ATL2: variants seen among roughly 807,000 people sequenced by gnomAD.
ATL2 encodes the protein atlastin-2.
Under a neutral mutation model 73.9 loss-of-function variants are expected in ATL2, and 31 were observed. That is an observed-to-expected ratio of 0.42 (90% confidence interval 0.32 to 0.57). The LOEUF (loss-of-function observed/expected upper bound fraction) is 0.57. ATL2 is among the 20% of genes least tolerant of loss of function. ATL2 has a pLI of 0.14. For missense variants in ATL2, 738 were observed against 702.6 expected (o/e 1.05, Z -0.57); for synonymous variants, 291 against 237.5 (o/e 1.23, Z -2.07).
At chr2:38,377,635 G>A (rs774157888), upstream of ATL2, among the ~76,000 whole-genome samples, 3 of 152,090 alleles carry the variant, frequency 2.0e-5, no homozygotes, top group Non-Finnish European at 4.4e-5. Context: ...GAGCTCCAGA[G>A]AACTAAGTCC....
At chr2:38,338,433 A>G (rs1669501167) in intron 2 of ATL2, among the ~76,000 whole-genome samples, 1 of 152,206 alleles carries the variant, frequency 6.6e-6, no homozygotes, top group Non-Finnish European at 1.5e-5. Context: ...AAACCTGCAC[A>G]TATAGCCCCT....
In ATL2 at chr2:38,344,840, G is replaced by T. The variant is rs1039419716; in HGVS notation, c.119-1328C>A. On this transcript the variant is annotated intron_variant, in intron 1 of 12. Transcript: ENST00000378954. ...TATCTCAGAATTTCATCTCCCACTG[G>T]AGCTCTTTCTCACCAAACACTACAG... 7.9e-5 allele frequency among the ~76,000 whole-genome samples: 12 copies of T among 152,208 alleles called. No individual in the cohort carries two copies. The East Asian group carries it at 2.3e-3, about 29-fold the overall frequency.
intron 9 of ATL2, among the ~76,000 whole-genome samples, chr2:38,307,228 G>T (rs1271991906): frequency 1.3e-5 from 2 of 152,094 alleles, no homozygotes; most frequent in Non-Finnish European, 2.9e-5. Flanking sequence ...CATGGTGGCA[G>T]CTGCCTGTAA....
intron 1 of ATL2, among the ~76,000 whole-genome samples, chr2:38,365,957 G>A (rs116256341): frequency 3.2e-5 from 3 of 93,170 alleles, no homozygotes; most frequent in Admixed American, 9.6e-5. Flanking sequence ...CAAAAAAAAA[G>A]AGGTAAGTAT....
chr2:38,307,257 T>C (rs1051981173), intron 9 of ATL2, among the ~76,000 whole-genome samples: 5 of 152,076 alleles, frequency 3.3e-5, no homozygotes, highest in Admixed American at 6.5e-5. Context: ...ACTTTTTTGA[T>C]GTGCAAAACC....
At chr2:38,377,382 G>T (rs899340704), upstream of ATL2, 43 of 725,156 alleles carry the variant, frequency 5.9e-5, no homozygotes, top group Non-Finnish European at 8.3e-5. Flanking sequence ...GTATCTCCTC[G>T]CCCTCCGCCT....
In ATL2 at chr2:38,318,985, G is replaced by C. The variant is rs1668176909; in HGVS notation, c.398C>G (p.Pro133Arg). 1 of 1,613,682 alleles carries C rather than the reference G, an allele frequency of 6.2e-7. No individual in the cohort carries two copies. Among genetic ancestry groups the C allele is most frequent in the East Asian group, 2.2e-5 (1 of 44,878 alleles). Residue 133 changes from proline (P) to arginine (R), a missense_variant, in exon 3 of 13, where the codon CCA becomes CGA. Physicochemically the swap from Pro to Arg is moderately radical, Grantham distance 103. Transcript: ENST00000378954. Reference sequence around the variant, plus strand: ...ACCTCGCCATGTAAAGCCTGTCAATGGTTCATTGTTTCCACCAATCCAACT... The same window carrying C: ...ACCTCGCCATGTAAAGCCTGTCAATCGTTCATTGTTTCCACCAATCCAACT... Reference protein sequence around the residue: ...SQSWIGGNNEPLTGFTWRGGC... With the variant: ...SQSWIGGNNERLTGFTWRGGC...
At chr2:38,315,462 C>T in intron 4 of ATL2, 128 bp from the exon 5 acceptor site, 2 of 904,538 alleles carry the variant, frequency 2.2e-6, no homozygotes, top group East Asian at 3.5e-5. Context: ...TAACTACTAT[C>T]TTGACAACTG....
chr2:38,306,166 C>T (rs1241861560), intron 9 of ATL2, among the ~76,000 whole-genome samples: 1 of 152,178 alleles, frequency 6.6e-6, no homozygotes, highest in Non-Finnish European at 1.5e-5. Context: ...AATTCCTAGA[C>T]ATATACAACC....
At chr2:38,374,032 C>T (rs1237584320) in intron 1 of ATL2, among the ~76,000 whole-genome samples, 1 of 152,182 alleles carries the variant, frequency 6.6e-6, no homozygotes, top group African/African-American at 2.4e-5. Context: ...GCTGGGATTA[C>T]AGCCATGCGC....
chr2:38,364,373 G>C (rs964098648), intron 1 of ATL2, among the ~76,000 whole-genome samples: 1 of 152,234 alleles, frequency 6.6e-6, no homozygotes, highest in Non-Finnish European at 1.5e-5. Flanking sequence ...AGTCAAAGCT[G>C]TGTTGCAGAG....
chr2:38,349,694 GA>G (rs373723983), intron 1 of ATL2, among the ~76,000 whole-genome samples: 16,192 of 146,930 alleles, frequency 0.11, 2,814 homozygotes, highest in African/African-American at 0.37. Flanking sequence ...AATAAAATAG[GA>G]AAAAAAAAAC....
In ATL2 at chr2:38,338,295, G is replaced by C. The variant is rs146108787; in HGVS notation, c.363+4973C>G. The stretch of plus-strand genomic sequence containing the variant: ...ACAAAGATGGCAACAACAGACAACG[G>C]GGAGTACTAGAGGGGAGAGGGAGGA... On this transcript the variant is annotated intron_variant, in intron 2 of 12. Transcript: ENST00000378954. Among the ~76,000 whole-genome samples, 244 of 151,608 alleles carry C rather than the reference G, an allele frequency of 1.6e-3. 4 individuals carry two copies. The highest frequency in any genetic ancestry group is 5.8e-3 in the African/African-American group (238 of 41,120).
chr2:38,365,733 A>G (rs576128573), intron 1 of ATL2, among the ~76,000 whole-genome samples: 1 of 152,194 alleles, frequency 6.6e-6, no homozygotes, highest in East Asian at 1.9e-4. Flanking sequence ...CTGGAAGCAG[A>G]GGTTGTAGTG....
intron 2 of ATL2, 78 bp downstream of exon 2, chr2:38,343,190 G>T: frequency 3.8e-6 from 3 of 781,070 alleles, no homozygotes; most frequent in Non-Finnish European, 5.7e-6. Context: ...ATATAGTTCT[G>T]GTTTTTGTCT....
chr2:38,305,399 A>C (rs2148411896), intron 9 of ATL2, among the ~76,000 whole-genome samples: 1 of 152,098 alleles, frequency 6.6e-6, no homozygotes, highest in Admixed American at 6.5e-5. Context: ...AATACAAAAA[A>C]TTAGCTGGGC....
chr2:38,343,338 G>C lies in ATL2; in HGVS notation c.293C>G (p.Ser98Cys). 6.2e-7 allele frequency: 1 copy of C among 1,611,030 alleles called. No individual in the cohort carries two copies. The highest frequency in any genetic ancestry group is 8.5e-7 in the Non-Finnish European group (1 of 1,179,336). Residue 98 changes from serine (S) to cysteine (C), a missense_variant, in exon 2 of 13, where the codon TCT becomes TGT. By Grantham distance (112) the Ser-to-Cys change is moderately radical. Transcript: ENST00000378954. ...CCCTTTACGAAAAGCTCCTGCCACA[G>C]ATACCACTACTATGTTAAGATCTCG... ...HIRDLNIVVV[S>C]VAGAFRKGKS...
chr2:38,309,936 T>C (rs997593132), intron 8 of ATL2, among the ~76,000 whole-genome samples: 11 of 152,158 alleles, frequency 7.2e-5, no homozygotes, highest in Non-Finnish European at 1.5e-4. Flanking sequence ...AAAATAATCC[T>C]ACAACATACA....
intron 6 of ATL2, among the ~76,000 whole-genome samples, chr2:38,313,944 T>C (rs550319534): frequency 6.6e-6 from 1 of 152,134 alleles, no homozygotes; most frequent in Non-Finnish European, 1.5e-5. Flanking sequence ...CACCTATATA[T>C]CCAAAAACGA....
Sources: gnomAD v4.1 joint callset for allele counts (sites outside exome capture counted in the v4.1 genomes callset) on GRCh38, gnomAD v4.1.1 for gene constraint, MANE v1.5 for transcripts, NCBI Gene and HGNC (gene_info 2026-07-23, HGNC 2026-07-21) for gene names.